Variants in MAN1A1 observed in about 807,000 individuals in gnomAD.
MAN1A1 encodes mannosidase alpha class 1A member 1, also known as mannosyl-oligosaccharide 1,2-alpha-mannosidase IA.
In MAN1A1, 29 loss-of-function variants were observed where a neutral mutation model predicts 70.8. The ratio of observed to expected loss-of-function variants is 0.41; its 90% CI spans 0.31 to 0.56. The LOEUF (loss-of-function observed/expected upper bound fraction) is 0.56. Among genes scored for constraint, MAN1A1 ranks in the 20% least tolerant of loss-of-function variants. The pLI is 0.29. For synonymous variants in MAN1A1, 349 were observed against 330.1 expected (o/e 1.06, Z -0.62); for missense variants, 747 against 841.3 (o/e 0.89, Z 1.39).
intron 3 of MAN1A1, 36 bp downstream of exon 3, chr6:119,306,860 T>A: frequency 7.1e-7 from 1 of 1,402,060 alleles, no homozygotes; most frequent in Non-Finnish European, 1.0e-6. Context: ...TGGGGAGAAG[T>A]TATCGTCACT....
chr6:119,298,739 G>A (rs1333613750), intron 4 of MAN1A1, among the ~76,000 whole-genome samples: 1 of 151,864 alleles, frequency 6.6e-6, no homozygotes, highest in Non-Finnish European at 1.5e-5. Flanking sequence ...TGGGACTACA[G>A]GCGTGTGCCA....
intron 2 of MAN1A1, 23 bp downstream of exon 2, chr6:119,348,440 G>T (rs201606937): frequency 7.1e-6 from 11 of 1,555,056 alleles, no homozygotes; most frequent in African/African-American, 6.9e-5. Context: ...GGTCGGGAGG[G>T]ATTTCTGGCG....
At chr6:119,279,120 T>TA (rs796384504) in intron 5 of MAN1A1, among the ~76,000 whole-genome samples, 111 of 151,992 alleles carry the variant, frequency 7.3e-4, no homozygotes, top group African/African-American at 2.6e-3. Flanking sequence ...ACTGCTCCAT[T>TA]AAAAAAAACT....
At chr6:119,324,596 A>G (rs1321656154) in intron 2 of MAN1A1, among the ~76,000 whole-genome samples, 1 of 152,052 alleles carries the variant, frequency 6.6e-6, no homozygotes, top group East Asian at 1.9e-4. Context: ...CTTACCCTTA[A>G]TTATATATTC....
chr6:119,322,344 C>T (rs2114478250), intron 2 of MAN1A1, among the ~76,000 whole-genome samples: 1 of 152,216 alleles, frequency 6.6e-6, no homozygotes, highest in East Asian at 1.9e-4. Context: ...AGTACTGGGC[C>T]CTGCTCAGCT....
intron 3 of MAN1A1, among the ~76,000 whole-genome samples, chr6:119,302,573 G>T (rs1412676158): frequency 2.0e-5 from 3 of 151,858 alleles, no homozygotes; most frequent in Non-Finnish European, 2.9e-5. Context: ...GTAGAGACGG[G>T]GTTTCACCAT....
At chr6:119,315,708 T>G (rs1772832211) in intron 2 of MAN1A1, among the ~76,000 whole-genome samples, 1 of 152,240 alleles carries the variant, frequency 6.6e-6, no homozygotes, top group Admixed American at 6.5e-5. Context: ...GAAAAGGGCT[T>G]ATTCATAGGT....
At chr6:119,337,620 C>T (rs1773492215) in intron 2 of MAN1A1, among the ~76,000 whole-genome samples, 1 of 152,206 alleles carries the variant, frequency 6.6e-6, no homozygotes, top group Non-Finnish European at 1.5e-5. Flanking sequence ...AACAGAAGTA[C>T]TTCCAACCCT....
intron 5 of MAN1A1, among the ~76,000 whole-genome samples, chr6:119,289,865 T>C (rs1776485706): frequency 1.3e-5 from 2 of 152,092 alleles, no homozygotes; most frequent in Admixed American, 6.6e-5. Context: ...TAAGATCTAC[T>C]CTTTCCCCAG....
At chr6:119,304,577 G>C (rs117707678) in intron 3 of MAN1A1, among the ~76,000 whole-genome samples, 2,022 of 152,152 alleles carry the variant, frequency 0.013, 19 homozygotes, top group Non-Finnish European at 0.021. Flanking sequence ...GGGAGATCAT[G>C]AATACTTAAG....
chr6:119,311,693 AG>A (rs1772705098), intron 2 of MAN1A1, among the ~76,000 whole-genome samples: 1 of 152,162 alleles, frequency 6.6e-6, no homozygotes, highest in African/African-American at 2.4e-5. Context: ...AGGAGGACAA[AG>A]GAACTCCCAA....
At chr6:119,278,658 G>GC (rs571568182) in intron 5 of MAN1A1, among the ~76,000 whole-genome samples, 169 of 151,478 alleles carry the variant, frequency 1.1e-3, no homozygotes, top group South Asian at 4.0e-3. Flanking sequence ...CTTGAAATGT[G>GC]CCCCCCCCAG....
intron 9 of MAN1A1, among the ~76,000 whole-genome samples, chr6:119,193,192 C>T (rs1773485241): frequency 6.6e-6 from 1 of 150,846 alleles, no homozygotes; most frequent in Non-Finnish European, 1.5e-5. Flanking sequence ...AACTCCACCG[C>T]TTCATTTAAA....
rs61362597 is a variant in MAN1A1, at chr6:119,230,563, T to C, written c.992+17697A>G. On this transcript the variant is annotated intron_variant, in intron 6 of 12. Coordinates refer to ENST00000368468, the MANE Select transcript of MAN1A1 (RefSeq NM_005907.4). The stretch of plus-strand genomic sequence containing the variant: ...CCCTAGCTCTCATCTACACATCCCC[T>C]TGATCCCAGCTCAAAAATGACTTCT... 5.9e-3 allele frequency among the ~76,000 whole-genome samples: 906 copies of C among 152,336 alleles called. 31 individuals carry two copies. The East Asian group carries it at 0.091, about 15-fold the overall frequency.
intron 2 of MAN1A1, among the ~76,000 whole-genome samples, chr6:119,326,111 G>A (rs1773140557): frequency 2.6e-5 from 4 of 152,208 alleles, no homozygotes; most frequent in South Asian, 4.1e-4. Context: ...CTCAGGGGCC[G>A]TAGATAGGTG....
chr6:119,203,267 C>A (rs969867761), intron 7 of MAN1A1, among the ~76,000 whole-genome samples: 1 of 152,010 alleles, frequency 6.6e-6, no homozygotes, highest in Non-Finnish European at 1.5e-5. Flanking sequence ...AGTGGCCTGG[C>A]AAGGCGGAGG....
rs1675035843 is a variant in MAN1A1, at chr6:119,178,512, A to C, written c.*1307T>G. 1 of 152,128 alleles carries C rather than the reference A, an allele frequency of 6.6e-6. No individual in the cohort carries two copies. Among genetic ancestry groups the C allele is most frequent in the Admixed American group, 6.5e-5 (1 of 15,268 alleles). The allele number at this position is 152,128 out of a possible 1,614,324, so 9.4% of individuals were successfully genotyped here. A position where few individuals can be genotyped will look rare whatever the true frequency, so the allele number is the denominator to read the frequency against. ...TAGTGGGCCAATGTAAGCAAACACA[A>C]GGTATCACACCAAATCTATTCTTGA... On this transcript the variant is annotated 3_prime_UTR_variant, in exon 13 of 13. Coordinates refer to ENST00000368468, the MANE Select transcript of MAN1A1 (RefSeq NM_005907.4).
At chr6:119,325,654 G>C (rs1390954952) in intron 2 of MAN1A1, among the ~76,000 whole-genome samples, 3 of 152,076 alleles carry the variant, frequency 2.0e-5, no homozygotes, top group African/African-American at 7.2e-5. Context: ...CTCCGTCGCC[G>C]GGGGCAGGGG....
chr6:119,180,491 T>C (rs1346363872), intron 11 of MAN1A1, 64 bp from the exon 12 acceptor site: 14 of 871,004 alleles, frequency 1.6e-5, no homozygotes, highest in South Asian at 8.9e-5. Flanking sequence ...CTAATTTTTA[T>C]TATTAGATTG....
Sources: gnomAD v4.1 joint callset for allele counts (sites outside exome capture counted in the v4.1 genomes callset) on GRCh38, gnomAD v4.1.1 for gene constraint, MANE v1.5 for transcripts, NCBI Gene and HGNC (gene_info 2026-07-23, HGNC 2026-07-21) for gene names.